The following COL9A1 variants were observed in gnomAD, a reference collection of about 807,000 sequenced individuals.
The protein encoded by COL9A1 is collagen type IX alpha 1 chain, also known as collagen alpha-1(IX) chain.
COL9A1 carries 104 observed loss-of-function variants against 142.6 expected under a neutral mutation model. The observed-to-expected ratio is 0.73, with a 90% CI of 0.62 to 0.86. COL9A1 has a LOEUF of 0.86. COL9A1 is among the 40% of genes least tolerant of loss of function. COL9A1 has a pLI of 0.00. For missense variants in COL9A1, 1,210 were observed against 1,176.6 expected, an observed-to-expected ratio of 1.03 and a Z score of -0.42; for synonymous variants, 466 against 396.0, an observed-to-expected ratio of 1.18 and a Z score of -2.10.
intron 10 of COL9A1, chr6:70,279,721 A>ACATTCAT (rs1773012851): frequency 2.8e-6 from 1 of 358,500 alleles, no homozygotes; most frequent in Non-Finnish European, 5.0e-6. Flanking sequence ...ATAAACAAAC[A>ACATTCAT]CATTCATTAT....
At chr6:70,235,052 A>G (rs906163888) in intron 33 of COL9A1, 112 bp from the exon 34 acceptor site, 3 of 1,322,014 alleles carry the variant, frequency 2.3e-6, no homozygotes, top group Non-Finnish European at 3.2e-6. Context: ...TCTGCATCCT[A>G]ACAGGTGTTC....
chr6:70,243,179 AGATATGT>A (rs1770374245), intron 28 of COL9A1, among the ~76,000 whole-genome samples: 1 of 152,264 alleles, frequency 6.6e-6, no homozygotes, highest in African/African-American at 2.4e-5. Flanking sequence ...AACACATAAT[AGATATGT>A]TTGCCTTTAA....
chr6:70,255,409 T>G lies in COL9A1; in HGVS notation c.1504-19A>C, dbSNP rs377339892. ...GATCACCCTGTATGAAAATAAAATT[T>G]TGTTAATACAAGAAAAAGTTACTTA... On this transcript the variant is annotated intron_variant, in intron 21 of 37. Coordinates refer to ENST00000357250, the MANE Select transcript of COL9A1 (RefSeq NM_001851.6). The G allele has an allele frequency of 5.6e-5, 90 of 1,612,448 alleles. No homozygotes were observed. Among genetic ancestry groups the G allele is most frequent in the African/African-American group, 1.3e-5 (1 of 74,880 alleles).
intron 37 of COL9A1, among the ~76,000 whole-genome samples, chr6:70,219,149 A>G (rs1333589895): frequency 2.6e-5 from 4 of 152,158 alleles, no homozygotes; most frequent in African/African-American, 9.7e-5. Flanking sequence ...TGATTTTTTT[A>G]AGGTTTAAAA....
Position 70,252,130 on chromosome 6 carries a change from T to C in COL9A1, c.1862A>G (p.Gln621Arg), listed in dbSNP as rs1135056. 640,959 of 1,613,484 alleles carry C rather than the reference T, an allele frequency of 0.4. 128,924 individuals are homozygous for C. The highest frequency in any genetic ancestry group is 0.42 in the Non-Finnish European group (490,993 of 1,179,614). ...GCAAGGAATACTCACAGGAAGCCCC[T>C]GGGGTCCTCGGGGTCCCACCTCTCC... is the stretch of plus-strand genomic sequence containing the variant. ...PPGEVGPRGP[Q>R]GLPGSRGELG... The change falls in exon 28 of 38, where the codon CAG becomes CGG. Residue 621 changes from glutamine to arginine, a missense_variant. Physicochemically the swap from Gln to Arg is conservative, Grantham distance 43 (BLOSUM62 1). Transcript: ENST00000357250.
intron 37 of COL9A1, among the ~76,000 whole-genome samples, chr6:70,220,863 C>G (rs905238082): frequency 1.3e-5 from 2 of 152,214 alleles, no homozygotes; most frequent in African/African-American, 4.8e-5. Flanking sequence ...GTGTGTATTA[C>G]TTACACTAAC....
At chr6:70,247,431 T>C (rs1430038586) in intron 28 of COL9A1, among the ~76,000 whole-genome samples, 2 of 152,250 alleles carry the variant, frequency 1.3e-5, no homozygotes, top group African/African-American at 2.4e-5. Flanking sequence ...ATGCTCTAGC[T>C]TGTAATGGCT....
intron 28 of COL9A1, among the ~76,000 whole-genome samples, chr6:70,244,222 T>G (rs1770447064): frequency 6.6e-6 from 1 of 152,226 alleles, no homozygotes; most frequent in Non-Finnish European, 1.5e-5. Context: ...AACAACTTTA[T>G]ATAAACAACC....
intron 10 of COL9A1, chr6:70,280,407 G>C (rs1321415018): frequency 8.4e-7 from 1 of 1,185,624 alleles, no homozygotes; most frequent in East Asian, 4.4e-5. Context: ...GAAAGAGCAA[G>C]GGCGAAGGCT....
At chr6:70,239,350 A>C (rs1388200845) in intron 32 of COL9A1, 64 bp from the exon 33 acceptor site, 7 of 1,126,178 alleles carry the variant, frequency 6.2e-6, no homozygotes, top group Admixed American at 1.7e-5. Flanking sequence ...TCCTGAAAAC[A>C]CTTTAAAAGT....
At chr6:70,239,690 G>A (rs1050101595) in intron 32 of COL9A1, among the ~76,000 whole-genome samples, 2 of 152,138 alleles carry the variant, frequency 1.3e-5, no homozygotes, top group Admixed American at 1.3e-4. Context: ...ATATTTAAAA[G>A]TCATCCCCAA....
chr6:70,293,029 C>T (rs1773711400), intron 5 of COL9A1, among the ~76,000 whole-genome samples: 1 of 152,292 alleles, frequency 6.6e-6, no homozygotes, highest in Middle Eastern at 3.4e-3. Flanking sequence ...ACAATTCTTC[C>T]CTTGAAAACA....
At chr6:70,273,948 TAAA>T in intron 12 of COL9A1, 96 bp downstream of exon 12, 1 of 566,564 alleles carries the variant, frequency 1.8e-6, no homozygotes, top group Non-Finnish European at 2.6e-6. Context: ...TAATAATAAA[TAAA>T]TAAATAAATA....
chr6:70,281,115 A>G (rs1773133687), intron 8 of COL9A1, 76 bp from the exon 9 acceptor site: 2 of 1,265,486 alleles, frequency 1.6e-6, no homozygotes, highest in South Asian at 1.4e-5. Context: ...CAATCCCAGG[A>G]GAGCTCACTT....
intron 18 of COL9A1, 85 bp from the exon 19 acceptor site, chr6:70,263,382 T>C: frequency 1.7e-6 from 2 of 1,181,036 alleles, no homozygotes; most frequent in Non-Finnish European, 2.4e-6. Context: ...TAACTCATTA[T>C]GTTTTAAGTT....
At chr6:70,293,204 A>T (rs1034813393) in intron 5 of COL9A1, among the ~76,000 whole-genome samples, 12 of 152,208 alleles carry the variant, frequency 7.9e-5, no homozygotes, top group African/African-American at 2.7e-4. Flanking sequence ...AAAGAGAGAG[A>T]GAAAGAGAGG....
chr6:70,274,268 A>G (rs1210307526), intron 11 of COL9A1, among the ~76,000 whole-genome samples, 186 bp from the exon 12 acceptor site: 9 of 151,940 alleles, frequency 5.9e-5, no homozygotes, highest in Non-Finnish European at 1.3e-4. Flanking sequence ...ATAGGTAAAC[A>G]TGTTCCATGG....
chr6:70,274,738 A>C lies in COL9A1; in HGVS notation c.1010T>G (p.Ile337Ser), dbSNP rs147747530. Reference sequence around the variant, plus strand: ...ACTTACTTTTTGTCCCTTTGACCCAATGGAGCCAGGGGATCCATCAGGTCC... The same window carrying C: ...ACTTACTTTTTGTCCCTTTGACCCACTGGAGCCAGGGGATCCATCAGGTCC... ...LTGPDGSPGS[I>S]GSKGQKGEPG... The change falls in exon 11 of 38, where the codon ATT becomes AGT. Residue 337 changes from isoleucine to serine, a missense_variant. Transcript: ENST00000357250. 6.2e-7 allele frequency: 1 copy of C among 1,612,668 alleles called. No individual in the cohort carries two copies. The highest frequency in any genetic ancestry group is 8.5e-7 in the Non-Finnish European group (1 of 1,178,816).
At position 70,241,419 on chromosome 6, in the gene COL9A1, CTGTTCACCCTT is replaced by C. The variant is rs748097661; in HGVS notation, c.2023_2033del (p.Lys675GlyfsTer5). The C allele has an allele frequency of 1.2e-6, 2 of 1,609,512 alleles. No individual in the cohort carries two copies. Among genetic ancestry groups the C allele is most frequent in the Non-Finnish European group, 1.7e-6 (2 of 1,175,764 alleles). ...ATACCAATTAAATAATAAGACTGAC[CTGTTCACCCTT>C]TGGACCCGGTTCACCGACTACACCC... On this transcript the variant is annotated frameshift_variant and splice_region_variant, in exon 31 of 38. Coordinates refer to ENST00000357250, the MANE Select transcript of COL9A1 (RefSeq NM_001851.6). LOFTEE classifies it high-confidence loss of function.
Sources: gnomAD v4.1 joint callset for allele counts (sites outside exome capture counted in the v4.1 genomes callset) on GRCh38, gnomAD v4.1.1 for gene constraint, MANE v1.5 for transcripts, NCBI Gene and HGNC (gene_info 2026-07-23, HGNC 2026-07-21) for gene names.